METTL21A: variants seen among roughly 807,000 people sequenced by gnomAD.
The protein encoded by METTL21A is protein N-lysine methyltransferase METTL21A.
METTL21A carries 22 observed loss-of-function variants against 20.9 expected under a neutral mutation model. That is an observed-to-expected ratio of 1.05 (90% confidence interval 0.75 to 1.50). The LOEUF (loss-of-function observed/expected upper bound fraction) is 1.50, where lower values mean the gene tolerates loss of function less well. Among genes scored for constraint, METTL21A ranks in the 40% most tolerant of loss-of-function variants. The pLI, the probability that METTL21A is intolerant of heterozygous loss-of-function variation, is 0.00. For synonymous variants in METTL21A, 93 were observed against 102.0 expected (o/e 0.91, Z 0.53); for missense variants, 271 against 266.8 (o/e 1.02, Z -0.11).
At chr2:207,618,627 C>T (rs1408888043) in intron 3 of METTL21A, among the ~76,000 whole-genome samples, 4 of 151,996 alleles carry the variant, frequency 2.6e-5, no homozygotes, top group Admixed American at 6.6e-5. Flanking sequence ...CGCTAGAACC[C>T]GGAGGCGGGG....
chr2:207,618,934 A>C lies in METTL21A; in HGVS notation c.259+2872T>G, dbSNP rs1318474539. Among the ~76,000 whole-genome samples the C allele has an allele frequency of 2.8e-4, 43 of 152,060 alleles. 2 individuals are homozygous for C. The highest frequency in any genetic ancestry group is 2.8e-3 in the Admixed American group (43 of 15,262). On this transcript the variant is annotated intron_variant, in intron 3 of 3. Coordinates refer to ENST00000406927, the Ensembl canonical transcript of METTL21A. ...GATTTGAGAGTCAGATTGGATTCAA[A>C]TTCTAAGCACAATCCATTAGCTTTG...
intron 3 of METTL21A, chr2:207,582,299 TTCATCAGTAAATCTTG>T: frequency 1.6e-6 from 1 of 623,322 alleles, no homozygotes; most frequent in South Asian, 1.9e-5. Flanking sequence ...AGTTTTAGAA[TTCATCAGTAAATCTTG>T]TCTACAGTAA....
chr2:207,582,798 C>T (rs1025727983), intron 3 of METTL21A: 3 of 290,148 alleles, frequency 1.0e-5, no homozygotes, highest in African/African-American at 2.3e-5. Context: ...GCGGCTGAGG[C>T]AGAAGAATTG....
At chr2:207,604,001 AATTTC>A (rs2087601807) in intron 3 of METTL21A, among the ~76,000 whole-genome samples, 2 of 152,188 alleles carry the variant, frequency 1.3e-5, no homozygotes, top group South Asian at 4.1e-4. Flanking sequence ...AGGCTTAATG[AATTTC>A]ATTTATTTTC....
At chr2:207,600,957 T>C (rs1282963224) in intron 3 of METTL21A, 1 of 188,334 alleles carries the variant, frequency 5.3e-6, no homozygotes, top group African/African-American at 2.5e-5. Flanking sequence ...AATTCTATGA[T>C]CAGCCACAGT....
At chr2:207,620,795 G>T in intron 3 of METTL21A, 1 of 1,103,124 alleles carries the variant, frequency 9.1e-7, no homozygotes, top group Non-Finnish European at 1.3e-6. Context: ...CAGCAGCTAA[G>T]CAGAAAAAGA....
At chr2:207,599,467 CTT>C (rs1450782173) in intron 3 of METTL21A, 1 of 196,704 alleles carries the variant, frequency 5.1e-6, no homozygotes, top group Non-Finnish European at 1.1e-5. Flanking sequence ...TGGTGGTCCT[CTT>C]AGTCCCTGAT....
chr2:207,594,921 C>A (rs943343779), intron 3 of METTL21A, among the ~76,000 whole-genome samples: 5 of 151,510 alleles, frequency 3.3e-5, no homozygotes, highest in African/African-American at 1.2e-4. Context: ...TAGTAGCCAT[C>A]CTAATGGTTG....
chr2:207,610,793 G>GT (rs2106897233), downstream of METTL21A: 1 of 33,182 alleles, frequency 3.0e-5, no homozygotes, highest in African/African-American at 1.2e-4. Context: ...GAGGGAGGTG[G>GT]GGGGATCAGC....
At chr2:207,625,368 G>A (rs953658424) in exon 1 of METTL21A, 2 of 152,028 alleles carry the variant, frequency 1.3e-5, no homozygotes, top group African/African-American at 2.4e-5. Context: ...GGGGGCGGGC[G>A]GCCCCGGCCC....
downstream of METTL21A, among the ~76,000 whole-genome samples, chr2:207,604,827 T>TA (rs1300482971): frequency 2.6e-5 from 4 of 152,244 alleles, no homozygotes; most frequent in Admixed American, 6.5e-5. Context: ...GTGAGACTCA[T>TA]ACACTGTGTA....
chr2:207,626,024 G>C (rs1026381164), upstream of METTL21A: 3 of 152,328 alleles, frequency 2.0e-5, no homozygotes, highest in Admixed American at 1.3e-4. Context: ...AGCTCTGGGC[G>C]TGCGCTCGGC....
chr2:207,593,991 C>A (rs576150910), intron 3 of METTL21A, among the ~76,000 whole-genome samples: 26 of 152,118 alleles, frequency 1.7e-4, no homozygotes, highest in Non-Finnish European at 2.9e-4. Flanking sequence ...AGCGCTGGGA[C>A]CTGGGATTAC....
chr2:207,622,071 C>T (rs2090552714), intron 2 of METTL21A, among the ~76,000 whole-genome samples, 154 bp from the exon 3 acceptor site: 1 of 152,084 alleles, frequency 6.6e-6, no homozygotes, highest in South Asian at 2.1e-4. Flanking sequence ...AGCAAGGTAA[C>T]CTCCCCCTTA....
At chr2:207,615,340 G>A (rs2107066411) in intron 3 of METTL21A, among the ~76,000 whole-genome samples, 1 of 152,134 alleles carries the variant, frequency 6.6e-6, no homozygotes, top group African/African-American at 2.4e-5. Context: ...AGGCGTGGTG[G>A]CACTATTCAG....
At chr2:207,607,394 A>G (rs932887516), downstream of METTL21A, among the ~76,000 whole-genome samples, 3 of 151,406 alleles carry the variant, frequency 2.0e-5, no homozygotes, top group Admixed American at 2.0e-4. Flanking sequence ...CATCTCAAAA[A>G]AAAGAAAGAA....
At chr2:207,597,277 C>T (rs2086332723) in intron 3 of METTL21A, 1 of 454,966 alleles carries the variant, frequency 2.2e-6, no homozygotes, top group Non-Finnish European at 3.8e-6. Flanking sequence ...TTTTCAACGC[C>T]AGGAATCATG....
chr2:207,604,058 T>G (rs1251972507), intron 3 of METTL21A, among the ~76,000 whole-genome samples: 1 of 152,158 alleles, frequency 6.6e-6, no homozygotes, highest in African/African-American at 2.4e-5. Flanking sequence ...AATGAGACAT[T>G]TTGAGAGTGA....
intron 3 of METTL21A, among the ~76,000 whole-genome samples, chr2:207,616,513 T>C (rs983015131): frequency 5.3e-5 from 8 of 152,174 alleles, no homozygotes; most frequent in African/African-American, 1.9e-4. Flanking sequence ...ACAACTTACA[T>C]TCAAGTGAGA....
Sources: gnomAD v4.1 joint callset for allele counts (sites outside exome capture counted in the v4.1 genomes callset) on GRCh38, gnomAD v4.1.1 for gene constraint, MANE v1.5 for transcripts, NCBI Gene and HGNC (gene_info 2026-07-23, HGNC 2026-07-21) for gene names.